OPCML: variants seen among roughly 807,000 people sequenced by gnomAD.
The protein encoded by OPCML is opioid-binding protein/cell adhesion molecule.
In OPCML, 13 loss-of-function variants were observed where a neutral mutation model predicts 37.8. That is an observed-to-expected ratio of 0.34 (90% CI 0.22 to 0.55). The LOEUF (loss-of-function observed/expected upper bound fraction) is 0.55. Among genes scored for constraint, OPCML ranks in the 20% least tolerant of loss-of-function variants. OPCML has a pLI of 0.91. For synonymous variants in OPCML, 176 were observed against 168.8 expected (o/e 1.04, Z -0.33); for missense variants, 341 against 435.6 (o/e 0.78, Z 1.93).
intron 1 of OPCML, chr11:133,024,515 G>C: frequency 1.0e-6 from 1 of 985,348 alleles, no homozygotes; most frequent in South Asian, 4.7e-5. Context: ...TTTAAGAAAC[G>C]CTTATTGCCT....
At chr11:133,364,876 C>G (rs907346477) in intron 1 of OPCML, among the ~76,000 whole-genome samples, 27 of 152,038 alleles carry the variant, frequency 1.8e-4, no homozygotes, top group Middle Eastern at 3.4e-3. Flanking sequence ...GCCTGCTTAA[C>G]CTTATTTATA....
intron 2 of OPCML, among the ~76,000 whole-genome samples, chr11:132,724,987 G>A (rs1241116047): frequency 6.6e-6 from 1 of 152,198 alleles, no homozygotes; most frequent in Non-Finnish European, 1.5e-5. Context: ...TTCATGGGCT[G>A]ACGTTGAGTG....
At chr11:132,563,780 T>C (rs923679436) in intron 3 of OPCML, among the ~76,000 whole-genome samples, 8 of 149,764 alleles carry the variant, frequency 5.3e-5, no homozygotes, top group African/African-American at 1.5e-4. Context: ...ACTTTTACGT[T>C]ATTAAAAAAA....
At chr11:132,430,108 C>A (rs1328724757) in intron 7 of OPCML, among the ~76,000 whole-genome samples, 1 of 152,134 alleles carries the variant, frequency 6.6e-6, no homozygotes, top group African/African-American at 2.4e-5. Flanking sequence ...AGATACAATG[C>A]GAATTCTCCC....
chr11:133,525,925 C>T lies in OPCML; in HGVS notation c.61+6339G>A, dbSNP rs182512369. 7.2e-5 allele frequency among the ~76,000 whole-genome samples: 11 copies of T among 152,332 alleles called. No individual in the cohort carries two copies. In the East Asian group the frequency reaches 9.6e-4, roughly 13 times the overall value. On this transcript the variant is annotated intron_variant, in intron 1 of 7. Coordinates refer to ENST00000524381, the MANE Select transcript of OPCML (RefSeq NM_001012393.5). The stretch of plus-strand genomic sequence containing the variant: ...CGGGGGTCTCTCAGCACAGCATCTC[C>T]GCTCATTAACGAGAATGCGCCTGCA...
chr11:132,530,005 C>G (rs2096319853), intron 3 of OPCML, among the ~76,000 whole-genome samples: 1 of 152,112 alleles, frequency 6.6e-6, no homozygotes, highest in Non-Finnish European at 1.5e-5. Context: ...CTGCCTTTGT[C>G]CCTTTGAGCT....
At chr11:132,566,454 G>C (rs2096423423) in intron 3 of OPCML, among the ~76,000 whole-genome samples, 1 of 152,174 alleles carries the variant, frequency 6.6e-6, no homozygotes, top group African/African-American at 2.4e-5. Flanking sequence ...ATCTAGAGAG[G>C]TGGACAGCTA....
chr11:133,073,862 A>G (rs1355898353), intron 1 of OPCML, among the ~76,000 whole-genome samples: 1 of 152,242 alleles, frequency 6.6e-6, no homozygotes, highest in Admixed American at 6.5e-5. Flanking sequence ...CCTTAAAAGA[A>G]GAGCAATAAA....
intron 1 of OPCML, among the ~76,000 whole-genome samples, chr11:133,042,474 G>A (rs943002500): frequency 7.9e-5 from 12 of 152,166 alleles, no homozygotes; most frequent in Admixed American, 6.5e-4. Context: ...AGAGCGGGAC[G>A]CAAACGGTGC....
intron 1 of OPCML, among the ~76,000 whole-genome samples, chr11:133,081,098 A>C (rs1231109393): frequency 6.6e-6 from 1 of 152,202 alleles, no homozygotes; most frequent in East Asian, 1.9e-4. Context: ...CAATGTAGCT[A>C]TTCCTTGTAG....
intron 1 of OPCML, among the ~76,000 whole-genome samples, chr11:133,289,953 G>C (rs1942429392): frequency 6.6e-6 from 1 of 152,134 alleles, no homozygotes; most frequent in Non-Finnish European, 1.5e-5. Flanking sequence ...TAATCACTGT[G>C]GAGGCAACTG....
At chr11:133,378,245 C>T (rs1005143716) in intron 1 of OPCML, among the ~76,000 whole-genome samples, 2 of 152,066 alleles carry the variant, frequency 1.3e-5, no homozygotes, top group Non-Finnish European at 2.9e-5. Context: ...ATCTTTGTGT[C>T]GATATAACTC....
intron 3 of OPCML, among the ~76,000 whole-genome samples, chr11:132,648,574 C>T (rs1941272017): frequency 6.7e-6 from 1 of 148,864 alleles, no homozygotes; most frequent in Non-Finnish European, 1.5e-5. Context: ...GGCTGGAGTG[C>T]AGGGGTGTGA....
At chr11:132,766,771 A>T (rs538222001) in intron 2 of OPCML, among the ~76,000 whole-genome samples, 1 of 152,330 alleles carries the variant, frequency 6.6e-6, no homozygotes, top group East Asian at 1.9e-4. Flanking sequence ...AACCAGATGC[A>T]TTGTGTGATC....
chr11:132,636,147 A>C (rs1383669294), intron 3 of OPCML, among the ~76,000 whole-genome samples: 3 of 151,970 alleles, frequency 2.0e-5, no homozygotes, highest in Non-Finnish European at 4.4e-5. Context: ...AAGTGCTTTT[A>C]TTATTTTTTT....
chr11:133,097,875 G>GT (rs1949027271), intron 1 of OPCML, among the ~76,000 whole-genome samples: 1 of 152,180 alleles, frequency 6.6e-6, no homozygotes, highest in South Asian at 2.1e-4. Context: ...ATAGTTAATA[G>GT]TTTAATAAAG....
chr11:132,868,649 A>C (rs1942670131), intron 2 of OPCML, among the ~76,000 whole-genome samples: 1 of 152,082 alleles, frequency 6.6e-6, no homozygotes, highest in African/African-American at 2.4e-5. Flanking sequence ...AAGACACTCT[A>C]AAGGGCCATT....
At chr11:132,802,634 A>C (rs1409306469) in intron 2 of OPCML, among the ~76,000 whole-genome samples, 1 of 152,184 alleles carries the variant, frequency 6.6e-6, no homozygotes, top group East Asian at 1.9e-4. Context: ...AAATTAGAAA[A>C]TACTGTACCA....
chr11:133,357,392 A>G (rs1944312997), intron 1 of OPCML, among the ~76,000 whole-genome samples: 1 of 152,208 alleles, frequency 6.6e-6, no homozygotes, highest in Non-Finnish European at 1.5e-5. Flanking sequence ...ACATGGCACT[A>G]TGTTTGACAT....
Sources: gnomAD v4.1 joint callset for allele counts (sites outside exome capture counted in the v4.1 genomes callset) on GRCh38, gnomAD v4.1.1 for gene constraint, MANE v1.5 for transcripts, NCBI Gene and HGNC (gene_info 2026-07-23, HGNC 2026-07-21) for gene names.